Variants in NCOR1 observed in about 807,000 individuals in gnomAD.
NCOR1 encodes the protein protein phosphatase 1, regulatory subunit 109.
Under a neutral mutation model 288.1 loss-of-function variants are expected in NCOR1, and 63 were observed. The observed-to-expected ratio is 0.22, with a 90% CI of 0.18 to 0.27. The LOEUF is 0.27. Ranked by LOEUF, NCOR1 falls within the 10% of genes least tolerant of loss-of-function variation. The pLI is 1.00. For synonymous variants in NCOR1, 1,007 were observed against 1,065.9 expected (o/e 0.94, Z 1.08); for missense variants, 2,397 against 3,019.2 (o/e 0.79, Z 4.83).
chr17:16,143,589 T>G lies in NCOR1; in HGVS notation c.1173+17A>C. The stretch of plus-strand genomic sequence containing the variant: ...TAATAATTAACGAATTAACTTGAAT[T>G]AAATTTATTTTCTTACCTCCTGCTC... On this transcript the variant is annotated intron_variant, in intron 11 of 45. Transcript: ENST00000268712. 6.3e-7 allele frequency: 1 copy of G among 1,591,614 alleles called. No individual in the cohort carries two copies. The highest frequency in any genetic ancestry group is 2.2e-5 in the East Asian group (1 of 44,778).
At chr17:16,138,289 A>T (rs1004277216) in intron 12 of NCOR1, 77 bp from the exon 13 acceptor site, 2 of 1,313,524 alleles carry the variant, frequency 1.5e-6, no homozygotes, top group Non-Finnish European at 2.1e-6. Context: ...TTGGGAAAAG[A>T]AAGACTATGT....
chr17:16,107,050 G>A (rs927164927), intron 19 of NCOR1, among the ~76,000 whole-genome samples: 1 of 151,134 alleles, frequency 6.6e-6, no homozygotes. Flanking sequence ...CCGCCACCAT[G>A]CCCGGCTAAC....
intron 15 of NCOR1, among the ~76,000 whole-genome samples, chr17:16,122,965 C>T (rs1440796121): frequency 6.6e-6 from 1 of 152,178 alleles, no homozygotes; most frequent in African/African-American, 2.4e-5. Context: ...AAGGCTCTCC[C>T]CTAGAGCCTT....
chr17:16,125,001 C>T (rs926849935), intron 15 of NCOR1, among the ~76,000 whole-genome samples: 1 of 152,160 alleles, frequency 6.6e-6, no homozygotes, highest in African/African-American at 2.4e-5. Context: ...TTCATTAAGT[C>T]AAAAATTACA....
chr17:16,108,779 G>T lies in NCOR1; in HGVS notation c.2182+7C>A. On this transcript the variant is annotated splice_region_variant and intron_variant, in intron 19 of 45. Coordinates refer to ENST00000268712, the MANE Select transcript of NCOR1 (RefSeq NM_006311.4). ...ATGTCACAACTAAATTTAAAATTTT[G>T]AGATACCTTCGCTGTCTTCTGGATT... 3 of 1,580,376 alleles carry T rather than the reference G, an allele frequency of 1.9e-6. No homozygotes were observed. The South Asian group carries it at 3.5e-5, about 19-fold the overall frequency.
Position 16,138,186 on chromosome 17 carries a change from C to A in NCOR1, c.1379G>T (p.Gly460Val). ...CCTCTCCAAGTATGATGCAATTAGTCCAAAGTTTTTTGGATGCTGGATAAA... is the reference window on the plus strand; with the variant it reads ...CCTCTCCAAGTATGATGCAATTAGTACAAAGTTTTTTGGATGCTGGATAAA... ...DKFIQHPKNF[G>V]LIASYLERKS... The change falls in exon 13 of 46, where the codon GGA becomes GTA. Residue 460 changes from glycine to valine, a missense_variant. Around this residue, in one of 11 missense-constraint regions of NCOR1, gnomAD observed 80 missense variants for 100.3 expected, o/e 0.80. Transcript: ENST00000268712. The A allele has an allele frequency of 6.2e-7, 1 of 1,613,378 alleles. No individual in the cohort carries two copies. The highest frequency in any genetic ancestry group is 8.5e-7 in the Non-Finnish European group (1 of 1,179,590).
intron 5 of NCOR1, among the ~76,000 whole-genome samples, chr17:16,160,696 G>A (rs545455812): frequency 1.3e-5 from 2 of 152,306 alleles, no homozygotes; most frequent in East Asian, 1.9e-4. Context: ...GGAGGCCGAG[G>A]CAGAAGAATC....
chr17:16,119,283 C>CT (rs2072471937), intron 17 of NCOR1, 140 bp downstream of exon 17: 1 of 553,728 alleles, frequency 1.8e-6, no homozygotes, highest in African/African-American at 1.9e-5. Flanking sequence ...GAAAAGAACT[C>CT]TTAAAGTCAC....
At chr17:16,065,789 G>A (rs1322764704) in intron 32 of NCOR1, 95 bp from the exon 33 acceptor site, 1 of 1,106,326 alleles carries the variant, frequency 9.0e-7, no homozygotes, top group African/African-American at 1.5e-5. Flanking sequence ...AAAATCACAT[G>A]CTGAGCTAGT....
At chr17:16,214,988 C>G (rs1182248656) in intron 1 of NCOR1, among the ~76,000 whole-genome samples, 1 of 152,238 alleles carries the variant, frequency 6.6e-6, no homozygotes, top group Non-Finnish European at 1.5e-5. Flanking sequence ...CTCAGTGAGC[C>G]CAGGCCCGCC....
chr17:16,194,690 G>A (rs1223284925), intron 1 of NCOR1, 51 bp from the exon 2 acceptor site: 3 of 536,904 alleles, frequency 5.6e-6, no homozygotes, highest in South Asian at 2.8e-5. Context: ...AACACCAAGT[G>A]TACTTCTAAT....
Position 16,148,549 on chromosome 17 carries a change from T to C in NCOR1, c.909+902A>G, listed in dbSNP as rs1365627137. On this transcript the variant is annotated intron_variant, in intron 9 of 45. Transcript: ENST00000268712. ...ATCGGTGAAAATACAAACCTTACAG[T>C]GTTTGCATCACCAGTGAACTTATTT... 3.3e-5 allele frequency among the ~76,000 whole-genome samples: 5 copies of C among 151,304 alleles called. 1 individual carries two copies. Among genetic ancestry groups the C allele is most frequent in the Admixed American group, 3.3e-4 (5 of 15,156 alleles).
At chr17:16,063,229 G>A (rs2060727070) in intron 35 of NCOR1, among the ~76,000 whole-genome samples, 1 of 151,982 alleles carries the variant, frequency 6.6e-6, no homozygotes, top group Admixed American at 6.6e-5. Context: ...CACCCAGGAT[G>A]GAGTGCAGTG....
At chr17:16,049,353 GT>G (rs1244418980) in intron 40 of NCOR1, 1 of 159,534 alleles carries the variant, frequency 6.3e-6, no homozygotes, top group Non-Finnish European at 1.4e-5. Flanking sequence ...AACCTCAAGG[GT>G]TTTCCTACCT....
intron 12 of NCOR1, 44 bp downstream of exon 12, chr17:16,138,964 C>T (rs2076805560): frequency 7.3e-7 from 1 of 1,366,588 alleles, no homozygotes; most frequent in African/African-American, 1.5e-5. Flanking sequence ...TTTTTACTAA[C>T]TTATGTAGAT....
At position 16,062,239 on chromosome 17, in the gene NCOR1, A is replaced by G. The variant is rs1052634874; in HGVS notation, c.5253T>C (p.His1751=). 2 of 1,611,248 alleles carry G rather than the reference A, an allele frequency of 1.2e-6. No homozygotes were observed. The highest frequency in any genetic ancestry group is 2.7e-5 in the African/African-American group (2 of 74,718). Reference sequence around the variant, plus strand: ...AAGGGGAAGGGGAGCGAACATATCCATGACTGCCAGGTCGGCCAGGCTGTT... The same window carrying G: ...AAGGGGAAGGGGAGCGAACATATCCGTGACTGCCAGGTCGGCCAGGCTGTT... ...GSEQPGRPGS[H]GYVRSPSPSV... is the part of the protein sequence containing the mutation. The change falls in exon 36 of 46, where the codon CAT becomes CAC. Residue 1751 remains histidine (H), a synonymous_variant. Transcript: ENST00000268712.
chr17:16,085,049 AAC>A (rs2064004520), intron 23 of NCOR1, among the ~76,000 whole-genome samples: 1 of 152,200 alleles, frequency 6.6e-6, no homozygotes, highest in African/African-American at 2.4e-5. Flanking sequence ...ACATATATCT[AAC>A]AGAGAACTTT....
At chr17:16,071,325 G>T in intron 30 of NCOR1, 84 bp downstream of exon 30, 1 of 1,507,644 alleles carries the variant, frequency 6.6e-7, no homozygotes, top group Non-Finnish European at 8.9e-7. Flanking sequence ...GACATCATAA[G>T]AACCACTTAT....
intron 2 of NCOR1, among the ~76,000 whole-genome samples, chr17:16,190,292 A>G (rs1041978300): frequency 6.6e-6 from 1 of 152,196 alleles, no homozygotes; most frequent in African/African-American, 2.4e-5. Flanking sequence ...AACTTTTGAG[A>G]ATTTAAGAAC....
Sources: allele counts gnomAD v4.1 joint callset (sites outside exome capture counted in the v4.1 genomes callset), GRCh38; gene constraint gnomAD v4.1.1; regional missense constraint gnomAD v4.1.1; transcripts MANE v1.5; gene names NCBI Gene and HGNC (gene_info 2026-07-23, HGNC 2026-07-21).